The following NDST4 variants were observed in gnomAD, a reference collection of about 807,000 sequenced individuals.
NDST4 encodes the protein N-heparan sulfate sulfotransferase 4.
In NDST4, 63 loss-of-function variants were observed where a neutral mutation model predicts 100.8. The ratio of observed to expected loss-of-function variants is 0.62; its 90% CI spans 0.51 to 0.77. The LOEUF (loss-of-function observed/expected upper bound fraction) is 0.77, where lower values mean the gene tolerates loss of function less well. Among genes scored for constraint, NDST4 ranks in the 30% least tolerant of loss-of-function variants. The probability of loss-of-function intolerance (pLI) is 0.00; values close to 1 mark genes in which losing one functional copy is unlikely to be tolerated. For synonymous variants in NDST4, 377 were observed against 361.8 expected, an observed-to-expected ratio of 1.04 and a Z score of -0.48; for missense variants, 943 against 1,018.4, an observed-to-expected ratio of 0.93 and a Z score of 1.01.
At chr4:115,057,757 CA>C (rs1460132548) in intron 2 of NDST4, among the ~76,000 whole-genome samples, 96 of 148,560 alleles carry the variant, frequency 6.5e-4, no homozygotes, top group African/African-American at 2.3e-3. Flanking sequence ...CACACACACA[CA>C]CCAAAAAGGG....
intron 2 of NDST4, among the ~76,000 whole-genome samples, chr4:115,040,578 C>T (rs1728328219): frequency 6.6e-6 from 1 of 151,640 alleles, no homozygotes; most frequent in African/African-American, 2.4e-5. Flanking sequence ...TGTTGGAAGT[C>T]CAAGTATGAT....
intron 4 of NDST4, among the ~76,000 whole-genome samples, chr4:114,961,869 A>G (rs1726270938): frequency 6.6e-6 from 1 of 152,092 alleles, no homozygotes; most frequent in Admixed American, 6.5e-5. Context: ...ATCAAAGCCA[A>G]ACAATGATGT....
In NDST4 at chr4:115,007,011, C is replaced by T. The variant is rs573706871; in HGVS notation, c.979-29737G>A. On this transcript the variant is annotated intron_variant, in intron 2 of 13. Transcript: ENST00000264363. ...ATGGCTAGGTTTTATTGCATATTTA[C>T]TCTATGTACTTTACATTGGTTAAAG... Among the ~76,000 whole-genome samples, 9 of 152,222 alleles carry T rather than the reference C, an allele frequency of 5.9e-5. No individual in the cohort carries two copies. The South Asian group carries it at 1.7e-3, about 28-fold the overall frequency.
chr4:114,853,971 T>C (rs1290655653), intron 7 of NDST4, among the ~76,000 whole-genome samples: 1 of 151,672 alleles, frequency 6.6e-6, no homozygotes, highest in African/African-American at 2.4e-5. Context: ...AGTACAAGTG[T>C]TCTAATTTTA....
At chr4:114,898,351 G>T (rs142179823) in intron 6 of NDST4, among the ~76,000 whole-genome samples, 177 of 152,156 alleles carry the variant, frequency 1.2e-3, no homozygotes, top group Middle Eastern at 6.8e-3. Flanking sequence ...CTTTGTCAAA[G>T]ATCAGCTAAC....
chr4:115,078,856 G>C (rs7657463), intron 1 of NDST4, among the ~76,000 whole-genome samples: 2 of 150,922 alleles, frequency 1.3e-5, no homozygotes, highest in South Asian at 2.1e-4. Context: ...ACCAACCCCC[G>C]CCCAAAAAAA....
chr4:114,953,037 T>C (rs1726056563), intron 4 of NDST4, among the ~76,000 whole-genome samples: 1 of 150,412 alleles, frequency 6.6e-6, no homozygotes, highest in South Asian at 2.1e-4. Flanking sequence ...TTTTTCTTTT[T>C]TTTTTTTTGT....
intron 1 of NDST4, among the ~76,000 whole-genome samples, chr4:115,093,060 T>C (rs1442582513): frequency 1.3e-5 from 2 of 152,184 alleles, no homozygotes; most frequent in Non-Finnish European, 2.9e-5. Flanking sequence ...TAAATGTGTA[T>C]GCATCCAATA....
intron 1 of NDST4, among the ~76,000 whole-genome samples, chr4:115,078,461 G>A (rs1024069998): frequency 5.9e-5 from 9 of 152,126 alleles, no homozygotes; most frequent in African/African-American, 1.9e-4. Context: ...ATTGGGGACT[G>A]GAGAAAAGGT....
At chr4:114,969,853 G>T (rs1726470684) in intron 4 of NDST4, among the ~76,000 whole-genome samples, 1 of 152,092 alleles carries the variant, frequency 6.6e-6, no homozygotes, top group African/African-American at 2.4e-5. Context: ...TCAATCAAAT[G>T]GTACTTCTGT....
intron 1 of NDST4, among the ~76,000 whole-genome samples, chr4:115,096,558 G>A (rs1729624823): frequency 6.6e-6 from 1 of 151,934 alleles, no homozygotes; most frequent in South Asian, 2.1e-4. Flanking sequence ...GTTCTCTTTA[G>A]GATGAGTTAT....
At chr4:114,890,139 A>C (rs747858310) in intron 6 of NDST4, among the ~76,000 whole-genome samples, 3 of 150,872 alleles carry the variant, frequency 2.0e-5, no homozygotes, top group Admixed American at 6.6e-5. Context: ...AGTAGTTAAC[A>C]ATGGAAATTG....
rs778110226 is a variant in NDST4, at chr4:114,827,911, A to G, written c.2524T>C (p.Tyr842His). The G allele has an allele frequency of 6.2e-7, 1 of 1,608,514 alleles. No individual in the cohort carries two copies. The part of the protein sequence containing the change: ...PESRTFLSNY[Y>H]RDHNVELSKL... ...GATAGTTCCACATTATGATCTCGGT[A>G]GTAATTAGAGAGGAACGTTCTAGAC... The change falls in exon 14 of 14, where the codon TAC becomes CAC. Residue 842 changes from tyrosine to histidine, a missense_variant. Tyr to His is a moderately conservative substitution (Grantham distance 83). Around this residue, in one of 2 missense-constraint regions of NDST4, gnomAD observed 526 missense variants for 634.1 expected, o/e 0.83. Coordinates refer to ENST00000264363, the MANE Select transcript of NDST4 (RefSeq NM_022569.3).
rs779255414 is a variant in NDST4 at position 115,109,634 on chromosome 4, T to C, written c.-247+3810A>G. On this transcript the variant is annotated intron_variant, in intron 1 of 13. Coordinates refer to ENST00000264363, the MANE Select transcript of NDST4 (RefSeq NM_022569.3). ...CAATATCAAATTATATTCTCAAGCA[T>C]TCAGACATAGTTTTAACCCTTTTTT... Among the ~76,000 whole-genome samples the C allele has an allele frequency of 1.1e-3, 174 of 152,046 alleles. 1 individual carries two copies. In the Middle Eastern group the frequency reaches 0.017, roughly 15 times the overall value.
intron 2 of NDST4, among the ~76,000 whole-genome samples, chr4:115,011,488 A>C (rs556197702): frequency 6.6e-6 from 1 of 151,642 alleles, no homozygotes; most frequent in African/African-American, 2.4e-5. Flanking sequence ...TGCAATCTCC[A>C]GTACTCACTT....
chr4:115,097,299 G>C (rs1413139953), intron 1 of NDST4, among the ~76,000 whole-genome samples: 1 of 151,852 alleles, frequency 6.6e-6, no homozygotes, highest in African/African-American at 2.4e-5. Flanking sequence ...AAATCTAATG[G>C]GCATTTCCAA....
At position 115,090,741 on chromosome 4, in the gene NDST4, T is replaced by C. The variant is rs554059937; in HGVS notation, c.-246-13459A>G. Among the ~76,000 whole-genome samples the C allele has an allele frequency of 2.6e-5, 4 of 152,204 alleles. No individual in the cohort carries two copies. The South Asian group carries it at 6.2e-4, about 24-fold the overall frequency. On this transcript the variant is annotated intron_variant, in intron 1 of 13. Coordinates refer to ENST00000264363, the MANE Select transcript of NDST4 (RefSeq NM_022569.3). Reference sequence around the variant, plus strand: ...TAGGCCAACAGCACCTGTTCTCCATTGACAGGTTACTAAACTAAAGAAAGT... The same window carrying C: ...TAGGCCAACAGCACCTGTTCTCCATCGACAGGTTACTAAACTAAAGAAAGT...
At chr4:115,014,033 A>C (rs990142043) in intron 2 of NDST4, among the ~76,000 whole-genome samples, 1 of 152,048 alleles carries the variant, frequency 6.6e-6, no homozygotes, top group African/African-American at 2.4e-5. Flanking sequence ...TGGTGACTCA[A>C]ATTGCAGCTG....
intron 2 of NDST4, among the ~76,000 whole-genome samples, chr4:115,018,632 T>G (rs1366799806): frequency 6.6e-6 from 1 of 151,926 alleles, no homozygotes; most frequent in Non-Finnish European, 1.5e-5. Flanking sequence ...TCAAGGACCT[T>G]GGGCAGAGTT....
Sources: gnomAD v4.1 joint callset for allele counts (sites outside exome capture counted in the v4.1 genomes callset) on GRCh38, gnomAD v4.1.1 for gene constraint, gnomAD v4.1.1 regional missense constraint, MANE v1.5 for transcripts, NCBI Gene and HGNC (gene_info 2026-07-23, HGNC 2026-07-21) for gene names.